AGBL1: variants seen among roughly 807,000 people sequenced by gnomAD.
The protein encoded by AGBL1 is cytosolic carboxypeptidase 4.
A neutral mutation model predicts 118.9 loss-of-function variants in AGBL1; 130 were observed. The observed-to-expected ratio is 1.09, with a 90% confidence interval of 0.95 to 1.26. The LOEUF (loss-of-function observed/expected upper bound fraction) is 1.26. Ranked by LOEUF, AGBL1 falls within the 50% of genes most tolerant of loss-of-function variation. The probability of loss-of-function intolerance (pLI) is 0.00; values close to 1 mark genes in which losing one functional copy is unlikely to be tolerated. For missense variants in AGBL1, 1,584 were observed against 1,298.1 expected, an observed-to-expected ratio of 1.22 and a Z score of -3.38; for synonymous variants, 555 against 478.9, an observed-to-expected ratio of 1.16 and a Z score of -2.08.
At chr15:86,686,716 C>G (rs1369527057) in intron 22 of AGBL1, among the ~76,000 whole-genome samples, 2 of 152,118 alleles carry the variant, frequency 1.3e-5, no homozygotes, top group Non-Finnish European at 2.9e-5. Context: ...GGATTACAGG[C>G]ATGAGCCACC....
intron 23 of AGBL1, among the ~76,000 whole-genome samples, chr15:86,980,975 C>T (rs770036954): frequency 6.8e-6 from 1 of 148,070 alleles, no homozygotes; most frequent in African/African-American, 2.5e-5. Context: ...CTGTCTCCAC[C>T]TCCCAGGTTC....
At chr15:86,876,839 G>C in intron 22 of AGBL1, among the ~76,000 whole-genome samples, 1 of 152,108 alleles carries the variant, frequency 6.6e-6, no homozygotes, top group East Asian at 1.9e-4. Flanking sequence ...CTAAGTCCTG[G>C]TTTCCTCATT....
intron 7 of AGBL1, 28 bp from the exon 8 acceptor site, chr15:86,256,825 C>T: frequency 6.2e-7 from 1 of 1,611,630 alleles, no homozygotes; most frequent in Non-Finnish European, 8.5e-7. Flanking sequence ...CAGATGTTGG[C>T]ATCTGATATA....
rs113531423 is a variant in AGBL1 at position 86,134,695 on chromosome 15, C to T, written c.52-7309C>T. ...GTGGCATGATCTCGGCTCACTGTAA[C>T]GTCTGCCACCCAGGTTCAAACGACT... is the stretch of plus-strand genomic sequence containing the variant. On this transcript the variant is annotated intron_variant, in intron 1 of 22. Coordinates refer to ENST00000614907, the MANE Select transcript of AGBL1 (RefSeq NM_001386094.1). Among the ~76,000 whole-genome samples, 1,234 of 141,922 alleles carry T rather than the reference C, an allele frequency of 8.7e-3. 21 individuals carry two copies. Among genetic ancestry groups the T allele is most frequent in the African/African-American group, 0.031 (1,189 of 38,406 alleles). 93.1% of individuals were successfully genotyped at this position (141,922 alleles called of 152,430 possible).
At chr15:86,644,614 T>C (rs569403039) in intron 21 of AGBL1, among the ~76,000 whole-genome samples, 64 of 147,324 alleles carry the variant, frequency 4.3e-4, no homozygotes, top group Middle Eastern at 6.9e-3. Context: ...TGATACATTC[T>C]ATAAAACAAT....
In AGBL1 at chr15:86,129,667, C is replaced by T. The variant is rs370617996; in HGVS notation, c.52-12337C>T. 1.4e-3 allele frequency among the ~76,000 whole-genome samples: 210 copies of T among 152,136 alleles called. 1 individual carries two copies. Among genetic ancestry groups the T allele is most frequent in the South Asian group, 2.7e-3 (13 of 4,810 alleles). On this transcript the variant is annotated intron_variant, in intron 1 of 22. Coordinates refer to ENST00000614907, the MANE Select transcript of AGBL1 (RefSeq NM_001386094.1). ...GGGTGGTTATGCTACTTGTCTCTAG[C>T]GGGTAGAGACCAGGAATACTGCTAA...
intron 22 of AGBL1, among the ~76,000 whole-genome samples, chr15:86,720,982 G>C (rs1393612402): frequency 2.6e-5 from 4 of 152,054 alleles, no homozygotes; most frequent in Non-Finnish European, 5.9e-5. Context: ...ACCAATAACA[G>C]GCTCTGAAAT....
chr15:86,126,434 G>A (rs1898435877), intron 1 of AGBL1, among the ~76,000 whole-genome samples: 1 of 152,104 alleles, frequency 6.6e-6, no homozygotes, highest in African/African-American at 2.4e-5. Flanking sequence ...ACATCTGTGG[G>A]TCTTTGTTGC....
intron 23 of AGBL1, among the ~76,000 whole-genome samples, chr15:86,942,055 C>T (rs997649810): frequency 6.6e-6 from 1 of 152,224 alleles, no homozygotes; most frequent in East Asian, 1.9e-4. Flanking sequence ...TCCATTAGGA[C>T]AGAAGAGTCA....
intron 1 of AGBL1, among the ~76,000 whole-genome samples, chr15:86,126,447 C>G (rs965892699): frequency 2.0e-5 from 3 of 152,118 alleles, no homozygotes; most frequent in Admixed American, 6.5e-5. Context: ...TTTGTTGCTC[C>G]AGGATGGAAT....
chr15:86,968,430 AATT>A (rs2081075514), intron 23 of AGBL1, among the ~76,000 whole-genome samples: 1 of 151,924 alleles, frequency 6.6e-6, no homozygotes. Context: ...CAAAACTTAC[AATT>A]AATTGCTTAC....
chr15:86,258,295 C>T (rs2078929835), intron 9 of AGBL1, among the ~76,000 whole-genome samples: 1 of 152,154 alleles, frequency 6.6e-6, no homozygotes, highest in African/African-American at 2.4e-5. Context: ...ATACTTTATT[C>T]AGATGACCTT....
intron 21 of AGBL1, among the ~76,000 whole-genome samples, chr15:86,560,704 G>T (rs1380302514): frequency 2.0e-5 from 3 of 152,196 alleles, no homozygotes; most frequent in African/African-American, 7.2e-5. Context: ...AGATCCTTGA[G>T]GAATCGCCAC....
chr15:86,562,605 T>C (rs2142289687), intron 21 of AGBL1, among the ~76,000 whole-genome samples: 1 of 152,292 alleles, frequency 6.6e-6, no homozygotes, highest in Non-Finnish European at 1.5e-5. Context: ...TAAAATTCTC[T>C]TTTTTTGTTG....
At chr15:86,122,910 G>T (rs62012436) in intron 1 of AGBL1, among the ~76,000 whole-genome samples, 4,404 of 152,186 alleles carry the variant, frequency 0.029, 88 homozygotes, top group Middle Eastern at 0.048. Context: ...TGACAAAGCA[G>T]ACTTTTCATA....
intron 23 of AGBL1, among the ~76,000 whole-genome samples, chr15:86,937,947 C>A (rs994324492): frequency 1.3e-5 from 2 of 152,106 alleles, no homozygotes; most frequent in Admixed American, 6.5e-5. Context: ...GAGGTGAGAC[C>A]ATACAGCTAA....
intron 18 of AGBL1, among the ~76,000 whole-genome samples, chr15:86,400,324 T>G (rs569111800): frequency 2.6e-5 from 4 of 152,228 alleles, no homozygotes; most frequent in African/African-American, 9.6e-5. Flanking sequence ...TGTGAAGTTC[T>G]CTCCAACCTT....
chr15:86,749,826 A>G (rs1370090604), intron 22 of AGBL1, among the ~76,000 whole-genome samples: 1 of 152,150 alleles, frequency 6.6e-6, no homozygotes, highest in East Asian at 1.9e-4. Flanking sequence ...TGATTTGCGT[A>G]TGTTGAACCA....
intron 23 of AGBL1, among the ~76,000 whole-genome samples, chr15:86,974,610 AAATT>A (rs1224198876): frequency 1.4e-5 from 2 of 144,168 alleles, no homozygotes; most frequent in African/African-American, 5.0e-5. Context: ...TATATAATAT[AAATT>A]ATATATATTT....
Sources: allele counts gnomAD v4.1 joint callset (sites outside exome capture counted in the v4.1 genomes callset), GRCh38; gene constraint gnomAD v4.1.1; transcripts MANE v1.5; gene names NCBI Gene and HGNC (gene_info 2026-07-23, HGNC 2026-07-21).